The following DOCK4 variants were observed in gnomAD, a reference collection of about 807,000 sequenced individuals.
DOCK4 encodes dedicator of cytokinesis protein 4.
DOCK4 carries 97 observed loss-of-function variants against 268.1 expected under a neutral mutation model. That is an observed-to-expected ratio of 0.36 (90% CI 0.31 to 0.43). The LOEUF (loss-of-function observed/expected upper bound fraction) is 0.43. DOCK4 is among the 20% of genes least tolerant of loss of function. DOCK4 has a pLI of 1.00. For missense variants in DOCK4, 2,145 were observed against 2,455.7 expected (o/e 0.87, Z 2.67); for synonymous variants, 954 against 887.2 (o/e 1.08, Z -1.34).
chr7:111,793,918 G>A (rs916621432), intron 30 of DOCK4, among the ~76,000 whole-genome samples: 4 of 152,126 alleles, frequency 2.6e-5, no homozygotes, highest in African/African-American at 9.7e-5. Context: ...CAGGGGTCAG[G>A]GTTGGATGAG....
intron 27 of DOCK4, among the ~76,000 whole-genome samples, chr7:111,814,680 A>AATTC (rs1254119102): frequency 5.9e-5 from 9 of 152,126 alleles, no homozygotes; most frequent in Non-Finnish European, 1.3e-4. Context: ...TATTCCCACA[A>AATTC]ATTCTGTTTC....
chr7:111,785,443 T>C, intron 32 of DOCK4, among the ~76,000 whole-genome samples: 1 of 152,160 alleles, frequency 6.6e-6, no homozygotes, highest in East Asian at 1.9e-4. Flanking sequence ...ATTCTAAAAA[T>C]ACATGGAGAC....
chr7:112,073,540 T>A (rs1365700735), intron 1 of DOCK4, among the ~76,000 whole-genome samples: 1 of 152,168 alleles, frequency 6.6e-6, no homozygotes, highest in East Asian at 1.9e-4. Context: ...TAATATTTCA[T>A]TGTGTATGTA....
intron 1 of DOCK4, among the ~76,000 whole-genome samples, chr7:112,013,925 T>C (rs1801583094): frequency 6.6e-6 from 1 of 152,204 alleles, no homozygotes. Flanking sequence ...CCACCTCTAC[T>C]TCTGCGGCTC....
At chr7:111,957,393 T>C (rs1796528298) in intron 8 of DOCK4, among the ~76,000 whole-genome samples, 1 of 152,196 alleles carries the variant, frequency 6.6e-6, no homozygotes, top group South Asian at 2.1e-4. Context: ...TGACTGACTG[T>C]TGATTTAAGA....
chr7:111,809,685 A>G (rs1271753275), intron 28 of DOCK4, among the ~76,000 whole-genome samples: 2 of 152,244 alleles, frequency 1.3e-5, no homozygotes, highest in Non-Finnish European at 2.9e-5. Flanking sequence ...GCTGTATTCC[A>G]GGTTTCACGA....
At chr7:112,062,991 T>C (rs1189917650) in intron 1 of DOCK4, among the ~76,000 whole-genome samples, 1 of 152,186 alleles carries the variant, frequency 6.6e-6, no homozygotes, top group Admixed American at 6.5e-5. Context: ...TCATTACTTT[T>C]ACATCATGTG....
chr7:112,090,161 C>T (rs1236814010), intron 1 of DOCK4, among the ~76,000 whole-genome samples: 1 of 152,082 alleles, frequency 6.6e-6, no homozygotes, highest in East Asian at 1.9e-4. Context: ...CAAATAAATG[C>T]ATAATTATCA....
intron 1 of DOCK4, among the ~76,000 whole-genome samples, chr7:112,056,051 C>A (rs768099487): frequency 6.6e-6 from 1 of 152,114 alleles, no homozygotes; most frequent in Non-Finnish European, 1.5e-5. Context: ...ACTTTTCCTT[C>A]TATCTTGAAT....
rs574152747 is a variant in DOCK4 at position 112,137,756 on chromosome 7, A to T, written c.37+68346T>A. On this transcript the variant is annotated intron_variant, in intron 1 of 52. Transcript: ENST00000428084. ...TAGAGATACCAAGCCAAGGTTCTGC[A>T]GCCATACACTCCTCAGCCCAGCAAC... 2.0e-3 allele frequency among the ~76,000 whole-genome samples: 298 copies of T among 152,334 alleles called. 1 individual carries two copies. Among genetic ancestry groups the T allele is most frequent in the Middle Eastern group, 3.4e-3 (1 of 294 alleles).
intron 1 of DOCK4, among the ~76,000 whole-genome samples, chr7:112,171,311 T>C (rs1252895187): frequency 2.6e-5 from 4 of 152,216 alleles, no homozygotes; most frequent in Non-Finnish European, 5.9e-5. Flanking sequence ...CAGAATAGAC[T>C]GGCTATTGAA....
rs531306190 is a variant in DOCK4, at chr7:111,906,773, G to A, written c.1193-4972C>T. Among the ~76,000 whole-genome samples, 28 of 152,218 alleles carry A rather than the reference G, an allele frequency of 1.8e-4. No homozygotes were observed. The East Asian group carries it at 3.7e-3, about 20-fold the overall frequency. On this transcript the variant is annotated intron_variant, in intron 13 of 52. Transcript: ENST00000428084. ...GGATATGATGAGGAACACAGAGGCC[G>A]GAATGACTTGGGTCATGAGCCAAGG...
intron 30 of DOCK4, among the ~76,000 whole-genome samples, chr7:111,806,800 T>C (rs897277416): frequency 5.3e-5 from 8 of 152,218 alleles, no homozygotes; most frequent in Non-Finnish European, 1.2e-4. Context: ...AGGATGCTGA[T>C]GCTACAGTAT....
chr7:112,048,389 CAAAAAAAAAAAAA>C (rs59810546), intron 1 of DOCK4, among the ~76,000 whole-genome samples: 2 of 72,134 alleles, frequency 2.8e-5, no homozygotes, highest in African/African-American at 3.8e-5. Flanking sequence ...ACTAAAAATA[CAAAAAAAAAAAAA>C]AAAAAAAAAA....
chr7:111,998,548 G>A, intron 3 of DOCK4, 45 bp from the exon 4 acceptor site: 4 of 1,507,146 alleles, frequency 2.7e-6, no homozygotes, highest in Non-Finnish European at 2.7e-6. Flanking sequence ...TGTTAAGGCA[G>A]GGTTGGTTTC....
intron 30 of DOCK4, among the ~76,000 whole-genome samples, chr7:111,795,877 T>C (rs1470749862): frequency 6.6e-6 from 1 of 152,192 alleles, no homozygotes. Context: ...GGCCACTGGT[T>C]TGAACTACCT....
intron 1 of DOCK4, among the ~76,000 whole-genome samples, chr7:112,013,650 A>G (rs1258159463): frequency 1.3e-5 from 2 of 152,334 alleles, no homozygotes; most frequent in East Asian, 3.9e-4. Flanking sequence ...CAACGCAAGC[A>G]TCCTCCTCGG....
chr7:112,013,771 C>G (rs1801565325), intron 1 of DOCK4, among the ~76,000 whole-genome samples: 1 of 152,150 alleles, frequency 6.6e-6, no homozygotes, highest in Non-Finnish European at 1.5e-5. Context: ...GCCTGACATC[C>G]TCAAGGAAGG....
chr7:112,175,065 G>A (rs183399896), intron 1 of DOCK4, among the ~76,000 whole-genome samples: 53 of 151,032 alleles, frequency 3.5e-4, no homozygotes, highest in African/African-American at 1.0e-3. Flanking sequence ...GGGTTTCACC[G>A]TGTTAGCCAG....
Sources: allele counts gnomAD v4.1 joint callset (sites outside exome capture counted in the v4.1 genomes callset), GRCh38; gene constraint gnomAD v4.1.1; transcripts MANE v1.5; gene names NCBI Gene and HGNC (gene_info 2026-07-23, HGNC 2026-07-21).